Variants in ZSCAN1 observed in about 807,000 individuals in gnomAD.
The protein encoded by ZSCAN1 is zinc finger and SCAN domain containing 1.
Under a neutral mutation model 23.8 loss-of-function variants are expected in ZSCAN1, and 23 were observed. That is an observed-to-expected ratio of 0.97 (90% CI 0.70 to 1.37). The LOEUF is 1.37. ZSCAN1 is among the 40% of genes most tolerant of loss of function. The probability of loss-of-function intolerance (pLI) is 0.00; values close to 1 mark genes in which losing one functional copy is unlikely to be tolerated. For missense variants in ZSCAN1, 575 were observed against 554.0 expected (o/e 1.04, Z -0.38); for synonymous variants, 236 against 232.3 (o/e 1.02, Z -0.15).
chr19:58,054,691 C>T (rs1168013729), downstream of ZSCAN1: 3 of 152,224 alleles, frequency 2.0e-5, no homozygotes, highest in African/African-American at 2.4e-5. The surrounding 1 kb of genome is among the most constrained non-coding windows in gnomAD (Gnocchi z 4.2). Flanking sequence ...AAGATGTTTT[C>T]GTCTTGCCCA....
At chr19:58,035,235 C>T (rs567676611) in intron 1 of ZSCAN1, among the ~76,000 whole-genome samples, 30 of 152,188 alleles carry the variant, frequency 2.0e-4, no homozygotes, top group Non-Finnish European at 4.1e-4. Flanking sequence ...CAGTCCCCTT[C>T]ACATCATCCC....
intron 4 of ZSCAN1, 118 bp from the exon 5 acceptor site, chr19:58,052,372 C>T (rs544143968): frequency 5.5e-5 from 83 of 1,514,180 alleles, no homozygotes; most frequent in Non-Finnish European, 6.9e-5. Context: ...CGCGACACCG[C>T]GCACTGCCCT....
intron 4 of ZSCAN1, among the ~76,000 whole-genome samples, chr19:58,048,150 A>G (rs746031627): frequency 1.5e-4 from 23 of 152,260 alleles, no homozygotes; most frequent in Middle Eastern, 3.2e-3. Flanking sequence ...ATATTTCTCA[A>G]TTGTAAACCT....
rs979970616 is a variant in ZSCAN1, at chr19:58,054,310, A to C, written c.*259A>C. On this transcript the variant is annotated 3_prime_UTR_variant, in exon 6 of 6. Transcript: ENST00000282326. The surrounding 1 kb of genome is among the most constrained non-coding windows in gnomAD (Gnocchi z 4.2). The stretch of plus-strand genomic sequence containing the variant: ...CAGTCCTGCGCACTATAGTTTTGCA[A>C]GTGGCTTGAAGAGGAGTTTCATTCG... 2.4e-6 allele frequency: 1 copy of C among 409,556 alleles called. No individual in the cohort carries two copies. The highest frequency in any genetic ancestry group is 4.3e-6 in the Non-Finnish European group (1 of 232,566). The allele number at this position is 409,556 out of a possible 1,614,324, so 25.4% of individuals were successfully genotyped here.
rs190747448 is a variant in ZSCAN1, at chr19:58,045,749, G to A, written c.465+5205G>A. On this transcript the variant is annotated intron_variant, in intron 4 of 5. Transcript: ENST00000282326. The surrounding 1 kb of genome is among the most constrained non-coding windows in gnomAD (Gnocchi z 4.3). ...CTGGGCGTCAGGGAAAACCACCTGA[G>A]GGGCCAGCTGAAGCAGTGGCTGGAC... is the stretch of plus-strand genomic sequence containing the variant. 1,075 of 1,403,568 alleles carry A rather than the reference G, an allele frequency of 7.7e-4. 5 individuals carry two copies. The Middle Eastern group carries it at 8.8e-3, about 12-fold the overall frequency. The allele number at this position is 1,403,568 out of a possible 1,614,324, so 86.9% of individuals were successfully genotyped here.
chr19:58,053,796 G>A lies in ZSCAN1; in HGVS notation c.972G>A (p.Glu324=), dbSNP rs1320006648. 4 of 1,614,020 alleles carry A rather than the reference G, an allele frequency of 2.5e-6. No individual in the cohort carries two copies. In the South Asian group the frequency reaches 3.3e-5, roughly 13 times the overall value. The change falls in exon 6 of 6, where the codon GAG becomes GAA. Residue 324 remains glutamate, a synonymous_variant. Coordinates refer to ENST00000282326, the MANE Select transcript of ZSCAN1 (RefSeq NM_182572.4). The surrounding 1 kb of genome is among the most constrained non-coding windows in gnomAD (Gnocchi z 5.8). ...HREEGPFPCP[E]CGKVFLHNSV... ...AGGAAGGGCCCTTTCCGTGCCCCGA[G>A]TGTGGCAAGGTCTTCCTGCACAACT...
chr19:58,038,000 C>T lies in ZSCAN1; in HGVS notation c.164C>T (p.Ala55Val), dbSNP rs752602538. 4 of 1,609,362 alleles carry T rather than the reference C, an allele frequency of 2.5e-6. No homozygotes were observed. The East Asian group carries it at 6.7e-5, about 27-fold the overall frequency. The change falls in exon 3 of 6, where the codon GCG becomes GTG. Residue 55 changes from alanine (A) to valine (V), a missense_variant. Transcript: ENST00000282326. ...QYHVASGPHL[A>V]LGQLWTLCRQ... The stretch of plus-strand genomic sequence containing the variant: ...CACGTGGCGAGCGGGCCGCACCTCG[C>T]GCTGGGCCAGCTCTGGACGCTGTGC...
In ZSCAN1 at chr19:58,034,066, G is replaced by T. The variant is rs531925689; in HGVS notation, c.-247G>T. 1.3e-5 allele frequency: 2 copies of T among 151,832 alleles called. No individual in the cohort carries two copies. The highest frequency in any genetic ancestry group is 3.9e-4 in the East Asian group (2 of 5,130). 9.4% of individuals were successfully genotyped at this position (151,832 alleles called of 1,614,324 possible). On this transcript the variant is annotated 5_prime_UTR_variant, in exon 1 of 6. Coordinates refer to ENST00000282326, the MANE Select transcript of ZSCAN1 (RefSeq NM_182572.4). ...ATGGCGGCCGCCCGCGGCGCGCAGG[G>T]TGCGGGGATGGGGTCCGCCCGCGGC... is the stretch of plus-strand genomic sequence containing the variant.
chr19:58,037,609 G>T (rs1007025325), intron 2 of ZSCAN1, 119 bp from the exon 3 acceptor site: 3 of 471,306 alleles, frequency 6.4e-6, no homozygotes, highest in Admixed American at 7.7e-5. Context: ...GTGGGAAGAG[G>T]TCAGGTTGGT....
intron 1 of ZSCAN1, among the ~76,000 whole-genome samples, 175 bp downstream of exon 1, chr19:58,034,336 A>T (rs1170249417): frequency 6.8e-6 from 1 of 148,074 alleles, no homozygotes; most frequent in Non-Finnish European, 1.5e-5. Context: ...CCGGGGTTCC[A>T]GAGCCCATCG....
chr19:58,042,485 C>T (rs1457570646), intron 4 of ZSCAN1, among the ~76,000 whole-genome samples: 1 of 152,070 alleles, frequency 6.6e-6, no homozygotes. Flanking sequence ...GTCTCGATCT[C>T]CTGACCTCGT....
intron 4 of ZSCAN1, among the ~76,000 whole-genome samples, chr19:58,041,946 G>A (rs961492753): frequency 2.6e-5 from 4 of 152,138 alleles, no homozygotes; most frequent in African/African-American, 7.2e-5. Flanking sequence ...TGAGGCAGGC[G>A]GATCACAAGT....
At chr19:58,038,395 C>T in intron 3 of ZSCAN1, 189 bp downstream of exon 3, 1 of 716,332 alleles carries the variant, frequency 1.4e-6, no homozygotes, top group South Asian at 1.9e-5. Context: ...GCCTCATCTG[C>T]CTCGAATTTC....
rs1443428226 is a variant in ZSCAN1 at position 58,044,601 on chromosome 19, T to A, written c.465+4057T>A. Reference sequence around the variant, plus strand: ...ACGCCCGGACACACGGCGTCCATCTTAATGAGGAGCTGCCGCGGCTGGGCG... The same window carrying A: ...ACGCCCGGACACACGGCGTCCATCTAAATGAGGAGCTGCCGCGGCTGGGCG... On this transcript the variant is annotated intron_variant, in intron 4 of 5. Transcript: ENST00000282326. The A allele has an allele frequency of 3.9e-6, 4 of 1,017,872 alleles. No individual in the cohort carries two copies. In the African/African-American group the frequency reaches 6.3e-5, roughly 16 times the overall value. The allele number at this position is 1,017,872 out of a possible 1,614,324, so 63.1% of individuals were successfully genotyped here.
intron 4 of ZSCAN1, among the ~76,000 whole-genome samples, chr19:58,048,211 G>A (rs898419701): frequency 1.3e-5 from 2 of 152,226 alleles, no homozygotes; most frequent in African/African-American, 4.8e-5. Context: ...AATTATTTGA[G>A]AAAGAAGTTT....
Position 58,040,822 on chromosome 19 carries a change from C to T in ZSCAN1, c.465+278C>T, listed in dbSNP as rs2073783549. Among the ~76,000 whole-genome samples the T allele has an allele frequency of 6.6e-6, 1 of 152,208 alleles. No individual in the cohort carries two copies. The highest frequency in any genetic ancestry group is 1.5e-5 in the Non-Finnish European group (1 of 68,038). On this transcript the variant is annotated intron_variant, in intron 4 of 5. Transcript: ENST00000282326. The surrounding 1 kb of genome is among the most constrained non-coding windows in gnomAD (Gnocchi z 5.8). ...CTTTCCCAGCCTCGCAGTTAAGACC[C>T]ATCCTCCTGTGTCACCCGCACCAGA...
intron 4 of ZSCAN1, among the ~76,000 whole-genome samples, chr19:58,050,346 G>T (rs1479282848): frequency 1.3e-5 from 2 of 151,778 alleles, no homozygotes; most frequent in Non-Finnish European, 2.9e-5. Flanking sequence ...TGAGGCATAA[G>T]AATCGCTTGA....
At chr19:58,043,459 T>G (rs1021499988) in intron 4 of ZSCAN1, among the ~76,000 whole-genome samples, 12 of 152,194 alleles carry the variant, frequency 7.9e-5, no homozygotes, top group African/African-American at 2.9e-4. Flanking sequence ...TACACTTGTA[T>G]AAAGCACTTG....
chr19:58,055,864 G>C (rs2073887029), downstream of ZSCAN1, among the ~76,000 whole-genome samples: 1 of 147,166 alleles, frequency 6.8e-6, no homozygotes, highest in Admixed American at 6.7e-5. Flanking sequence ...CATCCATCTG[G>C]TGTCCCTCAG....
Sources: allele counts gnomAD v4.1 joint callset (sites outside exome capture counted in the v4.1 genomes callset), GRCh38; gene constraint gnomAD v4.1.1; non-coding constraint Gnocchi (gnomAD v3.1); transcripts MANE v1.5; gene names NCBI Gene and HGNC (gene_info 2026-07-23, HGNC 2026-07-21).